The following PATL1 variants were observed in gnomAD, a reference collection of about 807,000 sequenced individuals.
PATL1 encodes the protein protein PAT1 homolog 1.
A neutral mutation model predicts 100.6 loss-of-function variants in PATL1; 32 were observed. The ratio of observed to expected loss-of-function variants is 0.32; its 90% CI spans 0.24 to 0.43. The LOEUF (loss-of-function observed/expected upper bound fraction) is 0.43, where lower values mean the gene tolerates loss of function less well. Among genes scored for constraint, PATL1 ranks in the 20% least tolerant of loss-of-function variants. The pLI, the probability that PATL1 is intolerant of heterozygous loss-of-function variation, is 1.00. For missense variants in PATL1, 747 were observed against 949.9 expected, an observed-to-expected ratio of 0.79 and a Z score of 2.81; for synonymous variants, 332 against 330.0, an observed-to-expected ratio of 1.01 and a Z score of -0.07.
intron 11 of PATL1, 49 bp from the exon 12 acceptor site, chr11:59,651,690 A>G (rs1355461058): frequency 8.3e-7 from 1 of 1,199,768 alleles, no homozygotes; most frequent in Non-Finnish European, 1.2e-6. Context: ...AAAGTCAGCA[A>G]TGCAGGCAGG....
chr11:59,656,047 TA>T lies in PATL1; in HGVS notation c.724-3del. On this transcript the variant is annotated splice_polypyrimidine_tract_variant and splice_region_variant and intron_variant, in intron 6 of 18. Transcript: ENST00000300146. ...AGGGTGACCCAGGAGGGAAGAGTTC[TA>T]AGGTAAAAAAAAAAAAAAAAAAAAG... The T allele has an allele frequency of 8.3e-7, 1 of 1,211,450 alleles. No individual in the cohort carries two copies. Among genetic ancestry groups the T allele is most frequent in the Non-Finnish European group, 1.1e-6 (1 of 921,854 alleles). The allele number at this position is 1,211,450 out of a possible 1,614,324, so 75.0% of individuals were successfully genotyped here. A position where few individuals can be genotyped will look rare whatever the true frequency, so the allele number is the denominator to read the frequency against.
At chr11:59,642,813 T>A (rs1861305745) in intron 16 of PATL1, 67 bp downstream of exon 16, 1 of 1,480,808 alleles carries the variant, frequency 6.8e-7, no homozygotes, top group South Asian at 1.4e-5. Flanking sequence ...ACAGCAGCCA[T>A]TATTTTAATC....
chr11:59,638,676 ACTT>A (rs1386769004), intron 18 of PATL1, among the ~76,000 whole-genome samples: 2 of 150,552 alleles, frequency 1.3e-5, no homozygotes, highest in Non-Finnish European at 2.9e-5. Context: ...CCCAATCATA[ACTT>A]CTTTTTATTT....
chr11:59,638,942 T>G (rs1316907093), intron 18 of PATL1, 106 bp downstream of exon 18: 1 of 1,314,366 alleles, frequency 7.6e-7, no homozygotes, highest in Non-Finnish European at 1.0e-6. Flanking sequence ...CTGGGTGTCC[T>G]AAAATGCTGG....
rs1861201808 is a variant in PATL1 at position 59,637,025 on chromosome 11, T to TA, written c.*1364dup. On this transcript the variant is annotated 3_prime_UTR_variant, in exon 19 of 19. Transcript: ENST00000300146. ...GACAGCTGGTTTTAACAGAGGATCT[T>TA]ACTGTTGTACAATACATGTATGTGC... 1 of 152,650 alleles carries TA rather than the reference T, an allele frequency of 6.6e-6. No homozygotes were observed. The highest frequency in any genetic ancestry group is 2.4e-5 in the African/African-American group (1 of 41,442). The allele number at this position is 152,650 out of a possible 1,614,324, so 9.5% of individuals were successfully genotyped here. A position where few individuals can be genotyped will look rare whatever the true frequency, so the allele number is the denominator to read the frequency against.
At chr11:59,666,614 C>T (rs1861694847) in intron 2 of PATL1, among the ~76,000 whole-genome samples, 1 of 152,120 alleles carries the variant, frequency 6.6e-6, no homozygotes, top group South Asian at 2.1e-4. Context: ...GATCATATAG[C>T]TGGAAGGGGC....
intron 15 of PATL1, among the ~76,000 whole-genome samples, chr11:59,645,202 CA>C (rs2134740430): frequency 8.3e-6 from 1 of 120,044 alleles, no homozygotes; most frequent in South Asian, 3.0e-4. Context: ...ACACGGCAAC[CA>C]TCCGATTTCT....
chr11:59,643,994 C>T (rs1189349694), intron 15 of PATL1, among the ~76,000 whole-genome samples: 2 of 152,140 alleles, frequency 1.3e-5, no homozygotes, highest in Non-Finnish European at 2.9e-5. Context: ...TGCTTCCAGA[C>T]AATCAATGCA....
At chr11:59,664,035 G>A (rs1365364198) in intron 2 of PATL1, among the ~76,000 whole-genome samples, 1 of 152,104 alleles carries the variant, frequency 6.6e-6, no homozygotes, top group African/African-American at 2.4e-5. Flanking sequence ...ACTCTCAAGG[G>A]AAAGGGCTCA....
At chr11:59,653,148 T>C (rs1590699986) in intron 9 of PATL1, 130 bp from the exon 10 acceptor site, 1 of 758,920 alleles carries the variant, frequency 1.3e-6, no homozygotes, top group Non-Finnish European at 2.1e-6. Flanking sequence ...AAAAGGGGAG[T>C]GAAAAAGAAC....
Position 59,639,527 on chromosome 11 carries a change from G to A in PATL1, c.2050-144C>T, listed in dbSNP as rs1329214212. ...GTGCTTTTCTGTAAAACCAGGTAAAGATCAGACAAGCATGAGTTGAAAGGC... is the reference window on the plus strand; with the variant it reads ...GTGCTTTTCTGTAAAACCAGGTAAAAATCAGACAAGCATGAGTTGAAAGGC... On this transcript the variant is annotated intron_variant, in intron 16 of 18. Coordinates refer to ENST00000300146, the MANE Select transcript of PATL1 (RefSeq NM_152716.3). The A allele has an allele frequency of 4.7e-6, 3 of 639,578 alleles. No homozygotes were observed. In the African/African-American group the frequency reaches 5.5e-5, roughly 12 times the overall value. The allele number at this position is 639,578 out of a possible 1,614,324, so 39.6% of individuals were successfully genotyped here.
intron 2 of PATL1, among the ~76,000 whole-genome samples, 196 bp from the exon 3 acceptor site, chr11:59,659,665 G>A (rs1239851395): frequency 6.6e-6 from 1 of 151,868 alleles, no homozygotes; most frequent in Non-Finnish European, 1.5e-5. Flanking sequence ...CAAGTAGCTG[G>A]AGTAGCTGGG....
At position 59,639,376 on chromosome 11, in the gene PATL1, AG is replaced by A; in HGVS notation, c.2056del (p.Leu686CysfsTer8). On this transcript the variant is annotated frameshift_variant, in exon 17 of 19. Coordinates refer to ENST00000300146, the MANE Select transcript of PATL1 (RefSeq NM_152716.3). LOFTEE classifies it high-confidence loss of function. Reference sequence around the variant, plus strand: ...GCTCAGGAGGATGAGGAGCAGTGACAGGCCAAACTACGAGAAAAGACAGAGG... The same window carrying A: ...GCTCAGGAGGATGAGGAGCAGTGACAGCCAAACTACGAGAAAAGACAGAGG... ...LTAVLQNKFG[L>X]SLLLILLSRG... 6.5e-7 allele frequency: 1 copy of A among 1,549,874 alleles called. No homozygotes were observed. The highest frequency in any genetic ancestry group is 8.7e-7 in the Non-Finnish European group (1 of 1,146,874).
chr11:59,643,170 T>C (rs1409726493), intron 15 of PATL1, 135 bp from the exon 16 acceptor site: 1 of 908,920 alleles, frequency 1.1e-6, no homozygotes, highest in African/African-American at 1.7e-5. Flanking sequence ...ATGACTAGAG[T>C]CTTAATAATG....
intron 2 of PATL1, among the ~76,000 whole-genome samples, chr11:59,664,178 T>G (rs1861659335): frequency 1.3e-5 from 2 of 152,252 alleles, no homozygotes; most frequent in African/African-American, 4.8e-5. Context: ...GTACTACCTG[T>G]TCTTTTACTG....
At chr11:59,653,413 G>A (rs1428782091) in intron 9 of PATL1, among the ~76,000 whole-genome samples, 1 of 152,118 alleles carries the variant, frequency 6.6e-6, no homozygotes, top group African/African-American at 2.4e-5. Context: ...AGGCGATTTA[G>A]CTCTGAAGTC....
Position 59,637,609 on chromosome 11 carries a change from A to G in PATL1, c.*781T>C, listed in dbSNP as rs1250279752. Reference sequence around the variant, plus strand: ...GTTGTAGCAGGAAAAAGACATAACCATGTGTTGTTTCGATTAAGGTGGACA... The same window carrying G: ...GTTGTAGCAGGAAAAAGACATAACCGTGTGTTGTTTCGATTAAGGTGGACA... On this transcript the variant is annotated 3_prime_UTR_variant, in exon 19 of 19. Transcript: ENST00000300146. The G allele has an allele frequency of 2.0e-5, 3 of 152,520 alleles. No homozygotes were observed. The highest frequency in any genetic ancestry group is 1.3e-4 in the Admixed American group (2 of 15,272). 9.4% of individuals were successfully genotyped at this position (152,520 alleles called of 1,614,324 possible). A position where few individuals can be genotyped will look rare whatever the true frequency, so the allele number is the denominator to read the frequency against.
chr11:59,648,198 T>TC (rs1470136947), intron 14 of PATL1, among the ~76,000 whole-genome samples: 1 of 150,110 alleles, frequency 6.7e-6, no homozygotes, highest in African/African-American at 2.4e-5. Flanking sequence ...TTTTTTTTTT[T>TC]TTTTTGAGAC....
intron 8 of PATL1, 132 bp from the exon 9 acceptor site, chr11:59,654,204 C>CG: frequency 1.4e-6 from 1 of 721,248 alleles, no homozygotes; most frequent in Non-Finnish European, 2.4e-6. Flanking sequence ...GGGATGGGTG[C>CG]GGTGACTCAC....
Sources: allele counts gnomAD v4.1 joint callset (sites outside exome capture counted in the v4.1 genomes callset), GRCh38; gene constraint gnomAD v4.1.1; transcripts MANE v1.5; gene names NCBI Gene and HGNC (gene_info 2026-07-23, HGNC 2026-07-21).